SGCZ: variants seen among roughly 807,000 people sequenced by gnomAD.
SGCZ encodes sarcoglycan zeta.
SGCZ carries 40 observed loss-of-function variants against 41.3 expected under a neutral mutation model. The ratio of observed to expected loss-of-function variants is 0.97; its 90% CI spans 0.75 to 1.26. The LOEUF (loss-of-function observed/expected upper bound fraction) is 1.26. SGCZ is among the 50% of genes most tolerant of loss of function. SGCZ has a pLI of 0.00. For missense variants in SGCZ, 552 were observed against 369.8 expected (o/e 1.49, Z -4.04); for synonymous variants, 206 against 137.5 (o/e 1.50, Z -3.49).
chr8:14,689,082 T>G (rs1276033470), intron 1 of SGCZ, among the ~76,000 whole-genome samples: 1 of 152,164 alleles, frequency 6.6e-6, no homozygotes, highest in Non-Finnish European at 1.5e-5. Context: ...AATAGTTCTT[T>G]TCTATGTTAG....
At chr8:14,736,800 A>G (rs1799048251) in intron 1 of SGCZ, among the ~76,000 whole-genome samples, 1 of 152,108 alleles carries the variant, frequency 6.6e-6, no homozygotes, top group South Asian at 2.1e-4. Context: ...TGCAAATGCT[A>G]TTAATTAGTT....
intron 1 of SGCZ, among the ~76,000 whole-genome samples, chr8:14,733,513 C>A (rs927201437): frequency 6.6e-6 from 1 of 152,028 alleles, no homozygotes; most frequent in African/African-American, 2.4e-5. Context: ...TTTCAGTTAC[C>A]CTTTAAATGA....
At chr8:14,329,032 C>A (rs924637628) in intron 2 of SGCZ, among the ~76,000 whole-genome samples, 3 of 151,978 alleles carry the variant, frequency 2.0e-5, no homozygotes, top group East Asian at 1.9e-4. Flanking sequence ...GACTTCCCAG[C>A]CTTCAAAACT....
chr8:14,943,157 C>T (rs1004422728), intron 1 of SGCZ, among the ~76,000 whole-genome samples: 1 of 152,166 alleles, frequency 6.6e-6, no homozygotes, highest in Non-Finnish European at 1.5e-5. Flanking sequence ...CCTTGACTCA[C>T]TAAATCTACA....
rs1027500588 is a variant in SGCZ at position 15,112,043 on chromosome 8, A to G, written c.39+125542T>C. ...TCAAGGCCTGCCTTCTGGTAACACT[A>G]TGAGCACTATCTCACTGTTGCTCTC... On this transcript the variant is annotated intron_variant, in intron 1 of 7. Transcript: ENST00000382080. Among the ~76,000 whole-genome samples the G allele has an allele frequency of 2.0e-5, 3 of 152,326 alleles. No homozygotes were observed. In the East Asian group the frequency reaches 5.8e-4, roughly 29 times the overall value.
intron 7 of SGCZ, among the ~76,000 whole-genome samples, chr8:14,091,974 C>T (rs1297353049): frequency 6.6e-6 from 1 of 152,026 alleles, no homozygotes; most frequent in Non-Finnish European, 1.5e-5. Flanking sequence ...GTCTTTAATC[C>T]ATCTTGAGTT....
intron 3 of SGCZ, among the ~76,000 whole-genome samples, chr8:14,270,982 G>A (rs745800300): frequency 6.6e-6 from 1 of 152,102 alleles, no homozygotes; most frequent in Non-Finnish European, 1.5e-5. Flanking sequence ...TCACTCACAG[G>A]TGGGAATTGA....
chr8:15,070,975 GAACATTACTA>G (rs1326669054), intron 1 of SGCZ, among the ~76,000 whole-genome samples: 1 of 152,116 alleles, frequency 6.6e-6, no homozygotes, highest in East Asian at 1.9e-4. Context: ...ATGATAATGT[GAACATTACTA>G]AGTAGGTGCT....
At chr8:14,696,779 A>T (rs1464834789) in intron 1 of SGCZ, among the ~76,000 whole-genome samples, 1 of 151,710 alleles carries the variant, frequency 6.6e-6, no homozygotes, top group East Asian at 1.9e-4. Context: ...TCTGTTTGCC[A>T]AAAGGGGGAT....
At chr8:14,738,285 G>GA (rs1436943813) in intron 1 of SGCZ, among the ~76,000 whole-genome samples, 1 of 151,890 alleles carries the variant, frequency 6.6e-6, no homozygotes, top group Admixed American at 6.6e-5. Flanking sequence ...CTCCCCTCTT[G>GA]TACAGCCTCA....
intron 1 of SGCZ, among the ~76,000 whole-genome samples, chr8:14,922,712 G>C (rs1799627991): frequency 6.6e-6 from 1 of 152,132 alleles, no homozygotes; most frequent in Non-Finnish European, 1.5e-5. Context: ...AGCAATCTAA[G>C]ATATGATTCT....
At chr8:14,189,205 C>G (rs1026724235) in intron 4 of SGCZ, among the ~76,000 whole-genome samples, 2 of 152,054 alleles carry the variant, frequency 1.3e-5, no homozygotes, top group Non-Finnish European at 2.9e-5. Flanking sequence ...ATAATCTGGG[C>G]TGCTGAAACG....
At chr8:14,137,868 C>G (rs2116917022) in intron 5 of SGCZ, among the ~76,000 whole-genome samples, 1 of 152,194 alleles carries the variant, frequency 6.6e-6, no homozygotes, top group East Asian at 1.9e-4. Flanking sequence ...AACCCCAAGA[C>G]ACATAATTGT....
At chr8:14,587,804 C>T (rs1311190794) in intron 1 of SGCZ, among the ~76,000 whole-genome samples, 1 of 152,092 alleles carries the variant, frequency 6.6e-6, no homozygotes, top group Non-Finnish European at 1.5e-5. Flanking sequence ...TTTTAACAGG[C>T]TCAAAATAAC....
chr8:14,471,169 T>C (rs917713015), intron 2 of SGCZ, among the ~76,000 whole-genome samples: 1 of 152,160 alleles, frequency 6.6e-6, no homozygotes, highest in Admixed American at 6.6e-5. Context: ...TAACATTGAC[T>C]AAAGCATGGC....
At chr8:14,758,484 A>T (rs567509710) in intron 1 of SGCZ, among the ~76,000 whole-genome samples, 1 of 152,180 alleles carries the variant, frequency 6.6e-6, no homozygotes, top group Non-Finnish European at 1.5e-5. Flanking sequence ...ACAGACTAAC[A>T]TTCGAATTGG....
intron 3 of SGCZ, among the ~76,000 whole-genome samples, chr8:14,320,867 A>C (rs750538320): frequency 6.6e-6 from 1 of 152,078 alleles, no homozygotes; most frequent in Non-Finnish European, 1.5e-5. Context: ...AGTTCGTCTC[A>C]GATAAGAGGT....
chr8:14,943,555 G>A (rs1282530042), intron 1 of SGCZ, among the ~76,000 whole-genome samples: 3 of 152,150 alleles, frequency 2.0e-5, no homozygotes, highest in South Asian at 2.1e-4. Context: ...AAAAAGCAAT[G>A]CATTGCCTGT....
chr8:14,338,501 C>T (rs912708427), intron 2 of SGCZ, among the ~76,000 whole-genome samples: 2 of 152,132 alleles, frequency 1.3e-5, no homozygotes, highest in African/African-American at 4.8e-5. Flanking sequence ...GCAGGTGGTG[C>T]TTATTCGAGG....
Sources: gnomAD v4.1 joint callset for allele counts (sites outside exome capture counted in the v4.1 genomes callset) on GRCh38, gnomAD v4.1.1 for gene constraint, MANE v1.5 for transcripts, NCBI Gene and HGNC (gene_info 2026-07-23, HGNC 2026-07-21) for gene names.